The following NR5A2 variants were observed in gnomAD, a reference collection of about 807,000 sequenced individuals.
NR5A2 encodes the protein nuclear receptor subfamily 5 group A member 2.
A neutral mutation model predicts 62.7 loss-of-function variants in NR5A2; 26 were observed. The ratio of observed to expected loss-of-function variants is 0.41; its 90% CI spans 0.30 to 0.58. The LOEUF (loss-of-function observed/expected upper bound fraction) is 0.58, where lower values mean the gene tolerates loss of function less well. Among genes scored for constraint, NR5A2 ranks in the 20% least tolerant of loss-of-function variants. The pLI is 0.22. For synonymous variants in NR5A2, 246 were observed against 241.7 expected (o/e 1.02, Z -0.16); for missense variants, 541 against 669.1 (o/e 0.81, Z 2.11).
At chr1:200,173,935 GCTTT>G (rs754528076) in intron 7 of NR5A2, 24 bp from the exon 8 acceptor site, 409 of 1,072,826 alleles carry the variant, frequency 3.8e-4, no homozygotes, top group Middle Eastern at 1.8e-3. Context: ...TTGAAATGTT[GCTTT>G]TTTTTTTTTT....
chr1:200,035,962 G>A (rs1351562105), intron 1 of NR5A2, among the ~76,000 whole-genome samples: 5 of 152,178 alleles, frequency 3.3e-5, no homozygotes, highest in African/African-American at 1.2e-4. Context: ...TCTAGTCTCT[G>A]GTCTCCGCCA....
At chr1:200,103,418 C>T (rs548683250) in intron 5 of NR5A2, among the ~76,000 whole-genome samples, 79 of 152,176 alleles carry the variant, frequency 5.2e-4, no homozygotes, top group African/African-American at 1.9e-3. Flanking sequence ...CCGTGCCTGG[C>T]CTGCATGTAA....
intron 7 of NR5A2, among the ~76,000 whole-genome samples, chr1:200,136,468 C>T (rs1667229847): frequency 6.6e-6 from 1 of 152,120 alleles, no homozygotes; most frequent in South Asian, 2.1e-4. Context: ...TACATTATAC[C>T]TGTTGTTTCT....
chr1:200,131,819 A>G (rs1666980288), intron 7 of NR5A2, among the ~76,000 whole-genome samples: 1 of 152,210 alleles, frequency 6.6e-6, no homozygotes, highest in Non-Finnish European at 1.5e-5. Context: ...TAAAAATCTG[A>G]TAAGTCTTAT....
At chr1:200,113,608 C>G (rs1302274243) in intron 6 of NR5A2, among the ~76,000 whole-genome samples, 2 of 152,136 alleles carry the variant, frequency 1.3e-5, no homozygotes, top group Non-Finnish European at 2.9e-5. Context: ...TAGCACAAAG[C>G]TGAATATGTT....
chr1:200,090,872 T>C (rs1664784153), intron 5 of NR5A2, among the ~76,000 whole-genome samples: 1 of 152,182 alleles, frequency 6.6e-6, no homozygotes, highest in African/African-American at 2.4e-5. Flanking sequence ...CACACTCACA[T>C]TCACGTACAC....
chr1:200,048,725 G>A lies in NR5A2; in HGVS notation c.1017G>A (p.Leu339=). Residue 339 remains leucine (L), a synonymous_variant, in exon 5 of 8, where the codon CTG becomes CTA. Transcript: ENST00000367362. The surrounding 1 kb of genome is among the most constrained non-coding windows in gnomAD (Gnocchi z 4.8). The part of the protein sequence containing the change: ...EQANRSKHEK[L]STFGLMCKMA... ...CTAACCGAAGCAAGCACGAAAAGCT[G>A]AGCACCTTTGGGCTTATGTGCAAAA... 1 of 1,614,178 alleles carries A rather than the reference G, an allele frequency of 6.2e-7. No individual in the cohort carries two copies.
At chr1:200,072,980 A>C (rs1228436067) in intron 5 of NR5A2, among the ~76,000 whole-genome samples, 1 of 152,140 alleles carries the variant, frequency 6.6e-6, no homozygotes. Context: ...TAAAATTGGC[A>C]GGCTGATGTT....
At chr1:200,148,462 C>T (rs925000867) in intron 7 of NR5A2, among the ~76,000 whole-genome samples, 6 of 152,222 alleles carry the variant, frequency 3.9e-5, no homozygotes, top group Admixed American at 3.9e-4. Flanking sequence ...CAGCCCCCTC[C>T]TGGGGGTCAC....
intron 1 of NR5A2, among the ~76,000 whole-genome samples, chr1:200,034,956 G>A (rs1191067433): frequency 6.6e-6 from 1 of 152,078 alleles, no homozygotes; most frequent in East Asian, 1.9e-4. Flanking sequence ...AGGGCGGGTG[G>A]AGCCTACGGG....
Position 200,039,508 on chromosome 1 carries a change from T to C in NR5A2, c.65-150T>C. 1 of 1,070,954 alleles carries C rather than the reference T, an allele frequency of 9.3e-7. No individual in the cohort carries two copies. The highest frequency in any genetic ancestry group is 2.6e-5 in the Admixed American group (1 of 38,462). The allele number at this position is 1,070,954 out of a possible 1,614,324, so 66.3% of individuals were successfully genotyped here. On this transcript the variant is annotated intron_variant, in intron 1 of 7. Coordinates refer to ENST00000367362, the MANE Select transcript of NR5A2 (RefSeq NM_205860.3). This position sits in a 1 kb window ranked among gnomAD's most constrained non-coding sequence, Gnocchi z 5.1. ...CGCAGCTTGGGGGCGGCTCCGGAGC[T>C]GCGAGACCGGACAGGGCTCAGAGGT...
chr1:200,046,843 ATTTC>A (rs1212630641), intron 4 of NR5A2, among the ~76,000 whole-genome samples: 1 of 152,196 alleles, frequency 6.6e-6, no homozygotes, highest in African/African-American at 2.4e-5. Context: ...ATAAGGCTGC[ATTTC>A]TTTACCTTAA....
chr1:200,160,465 GA>G (rs1653591699), intron 7 of NR5A2, among the ~76,000 whole-genome samples: 1 of 152,182 alleles, frequency 6.6e-6, no homozygotes, highest in Non-Finnish European at 1.5e-5. Context: ...CCAAAGCTGA[GA>G]AAGTGGAGCT....
At chr1:200,137,896 G>T (rs1045397259) in intron 7 of NR5A2, among the ~76,000 whole-genome samples, 1 of 152,070 alleles carries the variant, frequency 6.6e-6, no homozygotes, top group African/African-American at 2.4e-5. Context: ...AAAGGGATTG[G>T]GGTCCATGAT....
At chr1:200,162,596 G>A (rs745670498) in intron 7 of NR5A2, among the ~76,000 whole-genome samples, 20 of 152,264 alleles carry the variant, frequency 1.3e-4, no homozygotes, top group African/African-American at 1.9e-4. Flanking sequence ...ATTTGGAGGC[G>A]GGGACAATAT....
rs555744758 is a variant in NR5A2 at position 200,127,613 on chromosome 1, G to T, written c.1378+6658G>T. Among the ~76,000 whole-genome samples, 3 of 144,874 alleles carry T rather than the reference G, an allele frequency of 2.1e-5. No homozygotes were observed. The East Asian group carries it at 6.2e-4, about 30-fold the overall frequency. On this transcript the variant is annotated intron_variant, in intron 7 of 7. Coordinates refer to ENST00000367362, the MANE Select transcript of NR5A2 (RefSeq NM_205860.3). ...AATCACTTCAACCCAGGGGGCGGAG[G>T]TTGCAGTGAGCTGAGATTGTGCCAT...
chr1:200,052,730 C>T (rs901359361), intron 5 of NR5A2, among the ~76,000 whole-genome samples: 2 of 152,110 alleles, frequency 1.3e-5, no homozygotes, highest in East Asian at 3.9e-4. Context: ...CAAGCTCCGC[C>T]TCTTGGGTTC....
chr1:200,064,701 G>A (rs1663390677), intron 5 of NR5A2, among the ~76,000 whole-genome samples: 1 of 152,156 alleles, frequency 6.6e-6, no homozygotes, highest in East Asian at 1.9e-4. Context: ...TTCGGTCCTG[G>A]TATAGGATTT....
intron 5 of NR5A2, among the ~76,000 whole-genome samples, chr1:200,063,891 G>C (rs193108441): frequency 7.0e-4 from 107 of 152,302 alleles, no homozygotes; most frequent in Non-Finnish European, 5.9e-4. Context: ...AGCAAGTGCT[G>C]TAATCCCAGC....
Sources: gnomAD v4.1 joint callset for allele counts (sites outside exome capture counted in the v4.1 genomes callset) on GRCh38, gnomAD v4.1.1 for gene constraint, Gnocchi (gnomAD v3.1) non-coding constraint, MANE v1.5 for transcripts, NCBI Gene and HGNC (gene_info 2026-07-23, HGNC 2026-07-21) for gene names.